SLC11A2: variants seen among roughly 807,000 people sequenced by gnomAD.
The protein encoded by SLC11A2 is solute carrier family 11 member 2, also known as natural resistance-associated macrophage protein 2.
SLC11A2 carries 38 observed loss-of-function variants against 68.0 expected under a neutral mutation model. That is an observed-to-expected ratio of 0.56 (90% CI 0.43 to 0.73). The LOEUF is 0.73. Among genes scored for constraint, SLC11A2 ranks in the 30% least tolerant of loss-of-function variants. SLC11A2 has a pLI of 0.00. For missense variants in SLC11A2, 517 were observed against 690.5 expected, an observed-to-expected ratio of 0.75 and a Z score of 2.82; for synonymous variants, 242 against 250.6, an observed-to-expected ratio of 0.97 and a Z score of 0.32.
At chr12:51,012,634 T>C (rs1943324666) in intron 1 of SLC11A2, among the ~76,000 whole-genome samples, 1 of 152,246 alleles carries the variant, frequency 6.6e-6, no homozygotes, top group Admixed American at 6.5e-5. Context: ...CTTATAGAAT[T>C]ACAGAATTCA....
At chr12:51,002,381 G>A (rs1942324582) in intron 5 of SLC11A2, among the ~76,000 whole-genome samples, 2 of 152,042 alleles carry the variant, frequency 1.3e-5, no homozygotes, top group African/African-American at 4.8e-5. Flanking sequence ...TCTCACATCT[G>A]TAATCCCAGC....
the SLC11A2 span, chr12:50,960,866 G>T: frequency 1.0e-6 from 1 of 967,808 alleles, no homozygotes. Flanking sequence ...TTTTTTTAGA[G>T]ATGGGGTCTT....
intron 1 of SLC11A2, among the ~76,000 whole-genome samples, chr12:51,016,062 C>T (rs1367075257): frequency 2.6e-5 from 4 of 151,514 alleles, no homozygotes; most frequent in Non-Finnish European, 4.4e-5. Context: ...GGATTACAGG[C>T]GTGAGCCACC....
At chr12:50,990,518 C>A in intron 15 of SLC11A2, 1 of 370,778 alleles carries the variant, frequency 2.7e-6, no homozygotes, top group Non-Finnish European at 4.9e-6. Flanking sequence ...TTGACAATTC[C>A]ATATACATTG....
intron 15 of SLC11A2, among the ~76,000 whole-genome samples, chr12:50,988,823 T>C (rs224564): frequency 0.91 from 138,402 of 152,090 alleles, 63,261 homozygotes; most frequent in East Asian, 0.98. Context: ...AGCAATCCTC[T>C]CTCCTCAGCC....
At chr12:50,966,025 T>C in the SLC11A2 span, among the ~76,000 whole-genome samples, 6 of 152,128 alleles carry the variant, frequency 3.9e-5, no homozygotes, top group Non-Finnish European at 7.4e-5. Flanking sequence ...GTTCTAGGGA[T>C]ACCATAATCA....
chr12:51,028,187 G>A (rs1245022252), upstream of SLC11A2: 1 of 1,534,920 alleles, frequency 6.5e-7, no homozygotes, highest in African/African-American at 1.4e-5. Context: ...TTAGTTCACA[G>A]TGTGGAGCTG....
chr12:51,008,476 C>G lies in SLC11A2; in HGVS notation c.183G>C (p.Glu61Asp). The stretch of plus-strand genomic sequence containing the variant: ...TCTCCTCCAAGGACCTGATACTAAC[C>G]TCCTCCTCAGGAATGGAGATCTTCT... Reference protein sequence around the residue: ...FNEKISIPEEEYSCFSFRKLW... With the variant: ...FNEKISIPEEDYSCFSFRKLW... Residue 61 changes from glutamate to aspartate, a missense_variant and splice_region_variant, in exon 3 of 16, where the codon GAG becomes GAC. Coordinates refer to ENST00000262052, the MANE Select transcript of SLC11A2 (RefSeq NM_000617.3). The G allele has an allele frequency of 6.2e-7, 1 of 1,612,472 alleles. No individual in the cohort carries two copies. Among genetic ancestry groups the G allele is most frequent in the Non-Finnish European group, 8.5e-7 (1 of 1,178,638 alleles).
chr12:50,982,158 C>G (rs1940078455), downstream of SLC11A2, among the ~76,000 whole-genome samples: 1 of 152,200 alleles, frequency 6.6e-6, no homozygotes, highest in Non-Finnish European at 1.5e-5. Context: ...AATTAGAAAT[C>G]AAATTCCCAA....
At chr12:51,005,568 A>G in intron 3 of SLC11A2, 132 bp from the exon 4 acceptor site, 2 of 1,515,118 alleles carry the variant, frequency 1.3e-6, no homozygotes, top group Middle Eastern at 3.5e-4. Context: ...CAGATATTGC[A>G]TGTGTCCAAG....
the SLC11A2 span, among the ~76,000 whole-genome samples, chr12:50,962,097 AC>A: frequency 6.6e-6 from 1 of 152,172 alleles, no homozygotes; most frequent in Non-Finnish European, 1.5e-5. Flanking sequence ...CAGAAATAGC[AC>A]AGGCTGGCTG....
chr12:50,962,668 G>C, the SLC11A2 span, among the ~76,000 whole-genome samples: 1 of 152,152 alleles, frequency 6.6e-6, no homozygotes, highest in Non-Finnish European at 1.5e-5. Flanking sequence ...CTGCACTTTA[G>C]CCTGGGCATC....
chr12:50,988,407 A>C lies in SLC11A2; in HGVS notation c.1604T>G (p.Met535Arg). The C allele has an allele frequency of 1.2e-6, 2 of 1,614,068 alleles. No individual in the cohort carries two copies. Among genetic ancestry groups the C allele is most frequent in the Non-Finnish European group, 1.7e-6 (2 of 1,179,930 alleles). The change falls in exon 16 of 16, where the codon ATG becomes AGG. Residue 535 changes from methionine (M) to arginine (R), a missense_variant. Transcript: ENST00000262052. ...CGTATGCCCACAGTCCAGGAAGGAC[A>C]TGCCCAGTGCAATCAAACATTGCCA... ...LGWQCLIALG[M>R]SFLDCGHTVS...
the SLC11A2 span, among the ~76,000 whole-genome samples, chr12:50,956,376 A>G: frequency 1.3e-5 from 2 of 152,186 alleles, no homozygotes; most frequent in African/African-American, 4.8e-5. Context: ...TGGGCAACAG[A>G]GCGAGACTCC....
downstream of SLC11A2, among the ~76,000 whole-genome samples, chr12:50,977,869 T>C (rs1939870091): frequency 1.3e-5 from 2 of 152,204 alleles, no homozygotes; most frequent in South Asian, 4.1e-4. Context: ...AAGACATTTA[T>C]GCAGCCAACA....
intron 15 of SLC11A2, chr12:50,990,477 G>A (rs1253834522): frequency 1.5e-5 from 4 of 258,920 alleles, no homozygotes; most frequent in Non-Finnish European, 3.0e-5. Context: ...TGAATTTTAT[G>A]GTTAGAAATA....
At chr12:50,954,397 T>C in the SLC11A2 span, 1 of 251,222 alleles carries the variant, frequency 4.0e-6, no homozygotes, top group Non-Finnish European at 7.6e-6. Context: ...AACATTTCAG[T>C]CATAACTCAG....
At chr12:50,991,443 CAG>C (rs1941139196) in intron 14 of SLC11A2, 154 bp downstream of exon 14, 1 of 678,420 alleles carries the variant, frequency 1.5e-6, no homozygotes, top group South Asian at 1.6e-5. Context: ...ACTATATTCA[CAG>C]TTTCCATTCT....
intron 2 of SLC11A2, among the ~76,000 whole-genome samples, chr12:51,009,515 A>C (rs1036196223): frequency 1.3e-5 from 2 of 152,204 alleles, no homozygotes; most frequent in African/African-American, 4.8e-5. Flanking sequence ...CCTCTAATTT[A>C]AACAAATAAG....
Sources: allele counts gnomAD v4.1 joint callset (sites outside exome capture counted in the v4.1 genomes callset), GRCh38; gene constraint gnomAD v4.1.1; transcripts MANE v1.5; gene names NCBI Gene and HGNC (gene_info 2026-07-23, HGNC 2026-07-21).